The following RASSF6 variants were observed in gnomAD, a reference collection of about 807,000 sequenced individuals.
The protein encoded by RASSF6 is ras association domain-containing protein 6.
Under a neutral mutation model 44.0 loss-of-function variants are expected in RASSF6, and 52 were observed. The ratio of observed to expected loss-of-function variants is 1.18; its 90% CI spans 0.95 to 1.49. RASSF6 has a LOEUF of 1.49. Ranked by LOEUF, RASSF6 falls within the 40% of genes most tolerant of loss-of-function variation. RASSF6 has a pLI of 0.00. For synonymous variants in RASSF6, 162 were observed against 124.6 expected (o/e 1.30, Z -2.00); for missense variants, 464 against 393.3 (o/e 1.18, Z -1.52).
intron 3 of RASSF6, among the ~76,000 whole-genome samples, chr4:73,597,863 G>A (rs1725037003): frequency 6.6e-6 from 1 of 152,180 alleles, no homozygotes; most frequent in South Asian, 2.1e-4. Context: ...ACTGATGCAG[G>A]TATAGAAAAC....
In RASSF6 at chr4:73,573,981, C is replaced by G. The variant is rs1723063142; in HGVS notation, c.*2254G>C. ...CTGGAGAGCAGGCTTTTTTCCTTCA[C>G]TACTTTGCCTGGAGTGGTTTCTGCA... On this transcript the variant is annotated 3_prime_UTR_variant, in exon 11 of 11. Coordinates refer to ENST00000307439, the MANE Select transcript of RASSF6 (RefSeq NM_177532.5). 1 of 152,262 alleles carries G rather than the reference C, an allele frequency of 6.6e-6. No homozygotes were observed. The allele number at this position is 152,262 out of a possible 1,614,324, so 9.4% of individuals were successfully genotyped here. A position where few individuals can be genotyped will look rare whatever the true frequency, so the allele number is the denominator to read the frequency against.
At chr4:73,577,729 C>A in intron 8 of RASSF6, among the ~76,000 whole-genome samples, 1 of 152,146 alleles carries the variant, frequency 6.6e-6, no homozygotes. Context: ...CCTCTTTTGA[C>A]CTTCAGGTCC....
chr4:73,587,692 CTAAGA>C, intron 5 of RASSF6, 143 bp downstream of exon 5: 1 of 397,776 alleles, frequency 2.5e-6, no homozygotes, highest in Non-Finnish European at 4.5e-6. Context: ...TACTATGCTC[CTAAGA>C]TATTTAAAAA....
At position 73,576,525 on chromosome 4, in the gene RASSF6, G is replaced by GAA. The variant is rs577176139; in HGVS notation, c.841-20_841-19dup. 1.1e-5 allele frequency: 15 copies of GAA among 1,366,900 alleles called. No homozygotes were observed. The highest frequency in any genetic ancestry group is 7.5e-5 in the East Asian group (3 of 40,246). The allele number at this position is 1,366,900 out of a possible 1,614,324, so 84.7% of individuals were successfully genotyped here. A position where few individuals can be genotyped will look rare whatever the true frequency, so the allele number is the denominator to read the frequency against. On this transcript the variant is annotated intron_variant, in intron 9 of 10. Transcript: ENST00000307439. Reference sequence around the variant, plus strand: ...TGAGCCACCTAAGAAAGAAGAAGAAGAAAAAAAAAAGAAAGCAGAACAATT... The same window carrying GAA: ...TGAGCCACCTAAGAAAGAAGAAGAAGAAAAAAAAAAAAGAAAGCAGAACAATT...
chr4:73,607,824 T>A (rs1269198439), intron 2 of RASSF6, among the ~76,000 whole-genome samples: 2 of 151,346 alleles, frequency 1.3e-5, no homozygotes, highest in Non-Finnish European at 2.9e-5. Flanking sequence ...CCTCCTCTCC[T>A]CTCCTCTCCT....
intron 8 of RASSF6, among the ~76,000 whole-genome samples, chr4:73,577,353 C>T (rs533316741): frequency 6.6e-6 from 1 of 152,262 alleles, no homozygotes; most frequent in South Asian, 2.1e-4. Flanking sequence ...AATATAAATA[C>T]TCCTGCTACA....
chr4:73,613,307 TG>T (rs1726146442), intron 1 of RASSF6, among the ~76,000 whole-genome samples: 1 of 152,114 alleles, frequency 6.6e-6, no homozygotes, highest in African/African-American at 2.4e-5. Flanking sequence ...AGAAGCCACA[TG>T]GGCATTTTAT....
chr4:73,612,059 T>C (rs1472952685), intron 1 of RASSF6, among the ~76,000 whole-genome samples: 1 of 152,178 alleles, frequency 6.6e-6, no homozygotes, highest in Non-Finnish European at 1.5e-5. Context: ...GTAAGTCTGT[T>C]TTAGATATAT....
Position 73,620,329 on chromosome 4 carries a change from G to T in RASSF6, c.-76C>A. ...GAGCAGGAGGACCCTTTTCACCATC[G>T]TTGTTCGGCTGAACTTGCTTCGCGG... On this transcript the variant is annotated 5_prime_UTR_variant, in exon 1 of 11. Transcript: ENST00000307439. 1.4e-6 allele frequency: 2 copies of T among 1,475,476 alleles called. No homozygotes were observed. Among genetic ancestry groups the T allele is most frequent in the Middle Eastern group, 1.8e-4 (1 of 5,680 alleles). 91.4% of individuals were successfully genotyped at this position (1,475,476 alleles called of 1,614,324 possible). A position where few individuals can be genotyped will look rare whatever the true frequency, so the allele number is the denominator to read the frequency against.
At chr4:73,596,566 A>T (rs944048273) in intron 3 of RASSF6, among the ~76,000 whole-genome samples, 9 of 152,236 alleles carry the variant, frequency 5.9e-5, no homozygotes, top group African/African-American at 2.4e-5. Flanking sequence ...CAATTTGTAG[A>T]TTCAATGCTA....
chr4:73,581,680 A>G lies in RASSF6; in HGVS notation c.721+137T>C, dbSNP rs940453350. 6 of 568,390 alleles carry G rather than the reference A, an allele frequency of 1.1e-5. No individual in the cohort carries two copies. In the African/African-American group the frequency reaches 1.2e-4, roughly 11 times the overall value. The allele number at this position is 568,390 out of a possible 1,614,324, so 35.2% of individuals were successfully genotyped here. A position where few individuals can be genotyped will look rare whatever the true frequency, so the allele number is the denominator to read the frequency against. On this transcript the variant is annotated intron_variant, in intron 8 of 10. Coordinates refer to ENST00000307439, the MANE Select transcript of RASSF6 (RefSeq NM_177532.5). ...TTGTGGACTATAGATAATGTTCTAA[A>G]GACCACTCCTTCCTTTTCTCCTACC...
chr4:73,588,092 A>G (rs1724242782), intron 4 of RASSF6, among the ~76,000 whole-genome samples, 158 bp from the exon 5 acceptor site: 1 of 152,080 alleles, frequency 6.6e-6, no homozygotes, highest in South Asian at 2.1e-4. Flanking sequence ...TTAAAATTAT[A>G]TTCATACCAA....
intron 1 of RASSF6, among the ~76,000 whole-genome samples, chr4:73,616,282 G>C (rs1726360456): frequency 1.3e-5 from 2 of 150,638 alleles, no homozygotes; most frequent in Non-Finnish European, 3.0e-5. Flanking sequence ...TATATATACA[G>C]GTGCTAACTT....
intron 2 of RASSF6, among the ~76,000 whole-genome samples, chr4:73,605,325 C>A (rs1427631237): frequency 6.6e-6 from 1 of 152,140 alleles, no homozygotes; most frequent in East Asian, 1.9e-4. Flanking sequence ...CTGAATAAAG[C>A]CTTGTCATCA....
chr4:73,616,626 A>G (rs1409010956), intron 1 of RASSF6, among the ~76,000 whole-genome samples: 1 of 152,154 alleles, frequency 6.6e-6, no homozygotes, highest in African/African-American at 2.4e-5. Flanking sequence ...TACTGTCTAA[A>G]TCATAGACAA....
In RASSF6 at chr4:73,580,143, A is replaced by G. The variant is rs1011253288; in HGVS notation, c.721+1674T>C. 1.8e-3 allele frequency among the ~76,000 whole-genome samples: 268 copies of G among 150,700 alleles called. 1 individual carries two copies. Among genetic ancestry groups the G allele is most frequent in the Middle Eastern group, 6.8e-3 (2 of 292 alleles). ...CGGTGTTTGGTTTTTTGTTCTTGCG[A>G]TAGTTTACTAAGAATGATGATTTCC... On this transcript the variant is annotated intron_variant, in intron 8 of 10. Transcript: ENST00000307439.
intron 8 of RASSF6, among the ~76,000 whole-genome samples, chr4:73,580,118 C>A (rs1336540217): frequency 2.0e-5 from 3 of 146,476 alleles, no homozygotes; most frequent in Non-Finnish European, 4.5e-5. Context: ...TGAGAATATG[C>A]GGTGTTTGGT....
upstream of RASSF6, chr4:73,620,549 A>T: frequency 2.3e-6 from 3 of 1,312,994 alleles, no homozygotes; most frequent in Non-Finnish European, 2.1e-6. Context: ...GCGATCCTGG[A>T]GCCCCAGGAG....
At chr4:73,591,148 C>T (rs1043535006) in intron 4 of RASSF6, among the ~76,000 whole-genome samples, 14 of 152,124 alleles carry the variant, frequency 9.2e-5, no homozygotes, top group African/African-American at 3.4e-4. Context: ...ATTCTCTATT[C>T]TCACCACAAA....
Sources: gnomAD v4.1 joint callset for allele counts (sites outside exome capture counted in the v4.1 genomes callset) on GRCh38, gnomAD v4.1.1 for gene constraint, MANE v1.5 for transcripts, NCBI Gene and HGNC (gene_info 2026-07-23, HGNC 2026-07-21) for gene names.